PCBP2: variants seen among roughly 807,000 people sequenced by gnomAD.
PCBP2 encodes the protein poly(rC)-binding protein 2.
In PCBP2, 4 loss-of-function variants were observed where a neutral mutation model predicts 50.1. The observed-to-expected ratio is 0.08, with a 90% CI of 0.04 to 0.18. The LOEUF (loss-of-function observed/expected upper bound fraction) is 0.18, where lower values mean the gene tolerates loss of function less well. Ranked by LOEUF, PCBP2 falls within the 10% of genes least tolerant of loss-of-function variation. PCBP2 has a pLI of 1.00. For missense variants in PCBP2, 161 were observed against 474.3 expected (o/e 0.34, Z 6.14); for synonymous variants, 179 against 168.0 (o/e 1.07, Z -0.51).
At position 53,477,764 on chromosome 12, in the gene PCBP2, A is replaced by G. The variant is rs74632692; in HGVS notation, c.1053-1642A>G. 1.5e-3 allele frequency among the ~76,000 whole-genome samples: 226 copies of G among 151,414 alleles called. 1 individual carries two copies. Among genetic ancestry groups the G allele is most frequent in the Admixed American group, 4.3e-3 (65 of 15,184 alleles). ...CTAAAAGTAAATAGTTTGTAGTCGA[A>G]GGACTTTGCAGTTTTTTGGCCCTTG... On this transcript the variant is annotated intron_variant, in intron 14 of 14. Coordinates refer to ENST00000546463, the MANE Select transcript of PCBP2 (RefSeq NM_031989.5).
chr12:53,461,724 G>A (rs1229729171), intron 7 of PCBP2, among the ~76,000 whole-genome samples: 1 of 152,096 alleles, frequency 6.6e-6, no homozygotes, highest in Non-Finnish European at 1.5e-5. Flanking sequence ...TCGTGTGTGT[G>A]TGTGTGTGAC....
rs549716505 is a variant in PCBP2, at chr12:53,457,315, G to C, written c.243+1314G>C. On this transcript the variant is annotated intron_variant, in intron 5 of 14. Coordinates refer to ENST00000546463, the MANE Select transcript of PCBP2 (RefSeq NM_031989.5). ...TGGTCCTCCTGTTTCGCCTCCCAAA[G>C]TGTTGGGATTACAGGCGTGAGCCAC... Among the ~76,000 whole-genome samples the C allele has an allele frequency of 3.9e-5, 6 of 152,290 alleles. No individual in the cohort carries two copies. In the East Asian group the frequency reaches 7.7e-4, roughly 20 times the overall value.
At chr12:53,464,181 C>T (rs944664362) in intron 8 of PCBP2, among the ~76,000 whole-genome samples, 2 of 152,140 alleles carry the variant, frequency 1.3e-5, no homozygotes, top group African/African-American at 4.8e-5. Context: ...TGGATTCTCC[C>T]ACTCCCCCTT....
At chr12:53,457,972 A>G (rs1433309317) in intron 5 of PCBP2, among the ~76,000 whole-genome samples, 1 of 152,208 alleles carries the variant, frequency 6.6e-6, no homozygotes, top group Non-Finnish European at 1.5e-5. Context: ...CTTGTCGCCC[A>G]GGCTGGAGTG....
At position 53,464,595 on chromosome 12, in the gene PCBP2, C is replaced by CT. The variant is rs770661913; in HGVS notation, c.580-155dup. ...CAGTGTGAAATCTGCCACTAGGTAA[C>CT]TTTTTTTTTTAATTCACTGATTACA... On this transcript the variant is annotated intron_variant, in intron 8 of 14. Transcript: ENST00000546463. 4.9e-3 allele frequency: 4,249 copies of CT among 869,604 alleles called. 6 individuals carry two copies. Among genetic ancestry groups the CT allele is most frequent in the East Asian group, 0.03 (916 of 30,796 alleles). The allele number at this position is 869,604 out of a possible 1,614,324, so 53.9% of individuals were successfully genotyped here.
intron 8 of PCBP2, among the ~76,000 whole-genome samples, chr12:53,463,429 A>G (rs1204777268): frequency 1.3e-5 from 2 of 152,212 alleles, no homozygotes; most frequent in African/African-American, 4.8e-5. Flanking sequence ...ATTCAGGGAA[A>G]AAAATGGGTG....
rs564138096 is a variant in PCBP2, at chr12:53,456,071, G to C, written c.243+70G>C. 1.6e-5 allele frequency: 16 copies of C among 981,656 alleles called. No individual in the cohort carries two copies. In the South Asian group the frequency reaches 2.0e-4, roughly 12 times the overall value. 60.8% of individuals were successfully genotyped at this position (981,656 alleles called of 1,614,324 possible). ...CAGAGAGCTTGTTGATTTTCTAAGA[G>C]CTTTTTAAATTCAAGGACACACTGG... On this transcript the variant is annotated intron_variant, in intron 5 of 14. Coordinates refer to ENST00000546463, the MANE Select transcript of PCBP2 (RefSeq NM_031989.5).
In PCBP2 at chr12:53,467,436, G is replaced by A. The variant is rs1274110438; in HGVS notation, c.787+143G>A. On this transcript the variant is annotated intron_variant, in intron 11 of 14. Coordinates refer to ENST00000546463, the MANE Select transcript of PCBP2 (RefSeq NM_031989.5). Reference sequence around the variant, plus strand: ...AAACTTGCCTGTCTACTATGGCTAAGCCCAAGGAGGTAATGTGTTTGTTAA... The same window carrying A: ...AAACTTGCCTGTCTACTATGGCTAAACCCAAGGAGGTAATGTGTTTGTTAA... 5.2e-6 allele frequency: 4 copies of A among 762,434 alleles called. No individual in the cohort carries two copies. In the Admixed American group the frequency reaches 7.7e-5, roughly 15 times the overall value. The allele number at this position is 762,434 out of a possible 1,614,324, so 47.2% of individuals were successfully genotyped here.
At chr12:53,464,999 T>C in intron 9 of PCBP2, 147 bp downstream of exon 9, 1 of 998,164 alleles carries the variant, frequency 1.0e-6, no homozygotes, top group Non-Finnish European at 1.3e-6. Context: ...CCCCCCAACC[T>C]CATTTCACCC....
intron 5 of PCBP2, among the ~76,000 whole-genome samples, chr12:53,457,890 T>C (rs1364794297): frequency 6.6e-6 from 1 of 152,230 alleles, no homozygotes; most frequent in Non-Finnish European, 1.5e-5. Flanking sequence ...TGGGAAAGAC[T>C]ATAGGCTTTG....
At chr12:53,466,023 A>C in intron 10 of PCBP2, 50 bp downstream of exon 10, 1 of 1,525,678 alleles carries the variant, frequency 6.6e-7, no homozygotes, top group Non-Finnish European at 9.1e-7. Context: ...CTCCCATCCA[A>C]AATTGTCTCA....
chr12:53,454,995 ATGGAGTAGAAGTG>A (rs1319959121), intron 2 of PCBP2, 126 bp downstream of exon 2: 9 of 808,186 alleles, frequency 1.1e-5, no homozygotes, highest in Non-Finnish European at 1.9e-5. Flanking sequence ...CATTTCCCTA[ATGGAGTAGAAGTG>A]AGTGTAGTGG....
chr12:53,474,856 T>TC (rs1565873587), intron 14 of PCBP2: 1 of 381,216 alleles, frequency 2.6e-6, no homozygotes, highest in Non-Finnish European at 5.3e-6. Context: ...GTTCCTTTTT[T>TC]CCTCTGTTAC....
Position 53,479,617 on chromosome 12 carries a change from TC to T in PCBP2, c.*176del. 2.1e-6 allele frequency: 1 copy of T among 477,340 alleles called. No individual in the cohort carries two copies. The highest frequency in any genetic ancestry group is 3.9e-6 in the Non-Finnish European group (1 of 259,526). 29.6% of individuals were successfully genotyped at this position (477,340 alleles called of 1,614,324 possible). ...TAATTAAAGCGTTTTAATTCCTTTC[TC>T]TGTTCAGCTGTTGATGCTGAGATCC... On this transcript the variant is annotated 3_prime_UTR_variant, in exon 15 of 15. Transcript: ENST00000546463.
At chr12:53,460,235 C>T (rs963434555) in intron 6 of PCBP2, 2 of 214,778 alleles carry the variant, frequency 9.3e-6, no homozygotes, top group Admixed American at 1.1e-4. Context: ...GACTTCTGGG[C>T]TCATGTAACC....
At chr12:53,455,311 G>A (rs61107456) in intron 2 of PCBP2, 36 bp from the exon 3 acceptor site, 2 of 1,595,812 alleles carry the variant, frequency 1.3e-6, no homozygotes, top group Non-Finnish European at 1.7e-6. Flanking sequence ...ATACTTCTGA[G>A]TTTCCTCTTA....
intron 9 of PCBP2, 99 bp from the exon 10 acceptor site, chr12:53,465,833 T>G (rs1941780158): frequency 2.2e-6 from 2 of 914,386 alleles, no homozygotes; most frequent in African/African-American, 3.3e-5. Context: ...ATTCTCTAGT[T>G]CAACTCTGGC....
chr12:53,457,246 G>A (rs1200770012), intron 5 of PCBP2, among the ~76,000 whole-genome samples: 3 of 152,090 alleles, frequency 2.0e-5, no homozygotes, highest in Non-Finnish European at 4.4e-5. Flanking sequence ...AGAGATGGGA[G>A]CTTGTTATGT....
At chr12:53,457,438 C>T (rs1941113729) in intron 5 of PCBP2, among the ~76,000 whole-genome samples, 1 of 151,954 alleles carries the variant, frequency 6.6e-6, no homozygotes, top group Admixed American at 6.6e-5. Flanking sequence ...TACCATGGCT[C>T]ACTGCAGCCT....
Sources: gnomAD v4.1 joint callset for allele counts (sites outside exome capture counted in the v4.1 genomes callset) on GRCh38, gnomAD v4.1.1 for gene constraint, MANE v1.5 for transcripts, NCBI Gene and HGNC (gene_info 2026-07-23, HGNC 2026-07-21) for gene names.